Variants in RBFOX1 observed in about 807,000 individuals in gnomAD.
RBFOX1 encodes RNA binding fox-1 homolog 1.
Under a neutral mutation model 57.7 loss-of-function variants are expected in RBFOX1, and 8 were observed. That is an observed-to-expected ratio of 0.14 (90% CI 0.08 to 0.25). The LOEUF is 0.25. Ranked by LOEUF, RBFOX1 falls within the 10% of genes least tolerant of loss-of-function variation. The probability of loss-of-function intolerance (pLI) is 1.00; values close to 1 mark genes in which losing one functional copy is unlikely to be tolerated. For synonymous variants in RBFOX1, 326 were observed against 222.4 expected, an observed-to-expected ratio of 1.47 and a Z score of -4.15; for missense variants, 611 against 548.5, an observed-to-expected ratio of 1.11 and a Z score of -1.14.
chr16:7,104,897 G>A (rs1197863911), intron 4 of RBFOX1, among the ~76,000 whole-genome samples: 3 of 152,072 alleles, frequency 2.0e-5, no homozygotes, highest in African/African-American at 4.8e-5. Flanking sequence ...CTCAGGTACA[G>A]CCCCAACCAT....
intron 2 of RBFOX1, among the ~76,000 whole-genome samples, chr16:6,342,093 CA>C (rs1279256483): frequency 1.3e-5 from 2 of 152,146 alleles, no homozygotes. Flanking sequence ...GGATTTTGTG[CA>C]AATTCAAACA....
rs76569462 is a variant in RBFOX1, at chr16:6,227,555, G to A, written c.-126-89440G>A. ...GCAGGGTAGGGACAGAAGTGAGCTT[G>A]TACACACCTTCCAGCCACACGCCCT... On this transcript the variant is annotated intron_variant, in intron 1 of 15. Coordinates refer to ENST00000550418, the MANE Select transcript of RBFOX1 (RefSeq NM_018723.4). 7.9e-3 allele frequency among the ~76,000 whole-genome samples: 1,208 copies of A among 152,178 alleles called. 27 individuals are homozygous for A. The highest frequency in any genetic ancestry group is 0.051 in the Admixed American group (780 of 15,276).
chr16:6,020,382 G>A (rs1343673719), intron 1 of RBFOX1, among the ~76,000 whole-genome samples: 1 of 152,152 alleles, frequency 6.6e-6, no homozygotes, highest in Middle Eastern at 3.2e-3. Context: ...GCGCGCCCCC[G>A]GACCGCTGCC....
intron 3 of RBFOX1, among the ~76,000 whole-genome samples, chr16:5,758,110 G>A (rs2053464061): frequency 6.6e-6 from 1 of 152,160 alleles, no homozygotes; most frequent in African/African-American, 2.4e-5. Context: ...CCATATGTGT[G>A]GGGGCACAGA....
intron 2 of RBFOX1, among the ~76,000 whole-genome samples, chr16:6,602,280 C>T (rs1411011662): frequency 6.6e-6 from 1 of 152,120 alleles, no homozygotes; most frequent in Non-Finnish European, 1.5e-5. Context: ...TGCCTTTTCA[C>T]TCTTTTAATA....
chr16:5,574,510 G>C (rs2046390342), intron 2 of RBFOX1, among the ~76,000 whole-genome samples: 1 of 151,902 alleles, frequency 6.6e-6, no homozygotes, highest in Admixed American at 6.6e-5. Context: ...CCACCTCCCG[G>C]GTTCAAGTGA....
chr16:5,990,348 T>G (rs2060370763), intron 4 of RBFOX1, among the ~76,000 whole-genome samples: 1 of 152,142 alleles, frequency 6.6e-6, no homozygotes, highest in Non-Finnish European at 1.5e-5. Context: ...CAGCTGGCCT[T>G]GGGCAATGAA....
At chr16:6,064,223 C>A (rs1379839185) in intron 1 of RBFOX1, among the ~76,000 whole-genome samples, 1 of 152,106 alleles carries the variant, frequency 6.6e-6, no homozygotes, top group Non-Finnish European at 1.5e-5. Context: ...CCTATACGTT[C>A]TTTAAAAATC....
At chr16:5,829,323 A>T (rs112626209) in intron 3 of RBFOX1, among the ~76,000 whole-genome samples, 2 of 152,318 alleles carry the variant, frequency 1.3e-5, no homozygotes, top group African/African-American at 4.8e-5. Flanking sequence ...GAGTCACATG[A>T]TGAGCTATGC....
chr16:7,321,083 A>G (rs201474516), intron 4 of RBFOX1, among the ~76,000 whole-genome samples: 2 of 113,814 alleles, frequency 1.8e-5, no homozygotes, highest in African/African-American at 8.2e-5. Context: ...ATACGTATAC[A>G]TATACATATA....
At chr16:7,002,712 A>G (rs1458546007) in intron 3 of RBFOX1, among the ~76,000 whole-genome samples, 2 of 152,192 alleles carry the variant, frequency 1.3e-5, no homozygotes, top group Non-Finnish European at 2.9e-5. Flanking sequence ...GTCCAACTCA[A>G]AAACAAAGAA....
intron 2 of RBFOX1, among the ~76,000 whole-genome samples, chr16:6,616,256 A>C (rs1171272497): frequency 1.3e-5 from 2 of 152,208 alleles, no homozygotes; most frequent in Non-Finnish European, 2.9e-5. Flanking sequence ...TGTCCTTTAA[A>C]AATTATATTA....
chr16:5,865,883 C>G (rs1428180996), intron 3 of RBFOX1, among the ~76,000 whole-genome samples: 2 of 151,766 alleles, frequency 1.3e-5, no homozygotes, highest in African/African-American at 4.8e-5. Flanking sequence ...CTGCATGTGG[C>G]CTTTCCTGTG....
chr16:7,023,258 C>T (rs1286535162), intron 3 of RBFOX1, among the ~76,000 whole-genome samples: 1 of 151,764 alleles, frequency 6.6e-6, no homozygotes, highest in Non-Finnish European at 1.5e-5. Context: ...GGGTGGATTG[C>T]CTGAGGTCAG....
chr16:6,344,499 G>T (rs143549935), intron 2 of RBFOX1, among the ~76,000 whole-genome samples: 176 of 139,684 alleles, frequency 1.3e-3, no homozygotes, highest in African/African-American at 4.1e-3. Flanking sequence ...CCGGGTTCAC[G>T]CCATTCTCCT....
rs933065379 is a variant in RBFOX1, at chr16:6,019,749, G to T, written c.-370G>T. 17 of 1,377,596 alleles carry T rather than the reference G, an allele frequency of 1.2e-5. No individual in the cohort carries two copies. Among genetic ancestry groups the T allele is most frequent in the Non-Finnish European group, 1.5e-5 (16 of 1,064,966 alleles). The allele number at this position is 1,377,596 out of a possible 1,614,324, so 85.3% of individuals were successfully genotyped here. On this transcript the variant is annotated 5_prime_UTR_variant, in exon 1 of 16. Coordinates refer to ENST00000550418, the MANE Select transcript of RBFOX1 (RefSeq NM_018723.4). The surrounding 1 kb of genome is among the most constrained non-coding windows in gnomAD (Gnocchi z 4.2). ...CGCGCCCGGGATTGAGAGTCCTTGC[G>T]CTCCAGACCCCCACCCAGTGGCCGC...
At chr16:6,927,989 G>C (rs561699685) in intron 3 of RBFOX1, among the ~76,000 whole-genome samples, 2 of 152,182 alleles carry the variant, frequency 1.3e-5, no homozygotes, top group South Asian at 4.1e-4. Context: ...TTGAGCTGCT[G>C]TTCCGCTGCT....
At chr16:6,992,284 C>G (rs888440670) in intron 3 of RBFOX1, among the ~76,000 whole-genome samples, 1 of 151,894 alleles carries the variant, frequency 6.6e-6, no homozygotes, top group Non-Finnish European at 1.5e-5. Flanking sequence ...CTGGTGCAAT[C>G]TCGGCTCATT....
At chr16:6,650,417 C>A (rs1336708272) in intron 2 of RBFOX1, among the ~76,000 whole-genome samples, 1 of 152,144 alleles carries the variant, frequency 6.6e-6, no homozygotes, top group Non-Finnish European at 1.5e-5. Flanking sequence ...AGGGAAAGCA[C>A]CTGATGAGGG....
Sources: gnomAD v4.1 joint callset for allele counts (sites outside exome capture counted in the v4.1 genomes callset) on GRCh38, gnomAD v4.1.1 for gene constraint, Gnocchi (gnomAD v3.1) non-coding constraint, MANE v1.5 for transcripts, NCBI Gene and HGNC (gene_info 2026-07-23, HGNC 2026-07-21) for gene names.